Variants in LINGO2 observed in about 807,000 individuals in gnomAD.
LINGO2 encodes leucine-rich repeat and immunoglobulin-like domain-containing nogo receptor-interacting protein 2.
Under a neutral mutation model 30.6 loss-of-function variants are expected in LINGO2, and 14 were observed. The ratio of observed to expected loss-of-function variants is 0.46; its 90% CI spans 0.30 to 0.72. The LOEUF (loss-of-function observed/expected upper bound fraction) is 0.72, where lower values mean the gene tolerates loss of function less well. Ranked by LOEUF, LINGO2 falls within the 30% of genes least tolerant of loss-of-function variation. The pLI, the probability that LINGO2 is intolerant of heterozygous loss-of-function variation, is 0.07. For missense variants in LINGO2, 729 were observed against 751.7 expected, an observed-to-expected ratio of 0.97 and a Z score of 0.35; for synonymous variants, 317 against 288.5, an observed-to-expected ratio of 1.10 and a Z score of -1.00.
chr9:28,007,402 C>T (rs1400979900), intron 5 of LINGO2, among the ~76,000 whole-genome samples: 1 of 152,066 alleles, frequency 6.6e-6, no homozygotes, highest in African/African-American at 2.4e-5. Context: ...AGTCCAGTAC[C>T]AAGTAAAGGC....
the LINGO2 span, among the ~76,000 whole-genome samples, chr9:28,764,827 A>G: frequency 6.6e-6 from 1 of 151,974 alleles, no homozygotes; most frequent in South Asian, 2.1e-4. Flanking sequence ...ATCAACACAC[A>G]AAAATCAGTA....
At chr9:28,143,842 A>G (rs1827740811) in intron 4 of LINGO2, among the ~76,000 whole-genome samples, 1 of 152,142 alleles carries the variant, frequency 6.6e-6, no homozygotes, top group Admixed American at 6.5e-5. Context: ...GTCTCAAGAA[A>G]TATTTTAATC....
intron 4 of LINGO2, among the ~76,000 whole-genome samples, chr9:28,046,861 G>A (rs760159624): frequency 1.4e-4 from 21 of 152,070 alleles, no homozygotes; most frequent in Non-Finnish European, 1.8e-4. Context: ...ATAAACTGAC[G>A]TGTATCTATT....
intron 1 of LINGO2, among the ~76,000 whole-genome samples, chr9:28,557,211 C>G (rs1314883339): frequency 6.6e-6 from 1 of 151,886 alleles, no homozygotes; most frequent in African/African-American, 2.4e-5. Flanking sequence ...GAACAGGCAA[C>G]CTACAAAATG....
chr9:29,161,749 T>C, the LINGO2 span, among the ~76,000 whole-genome samples: 2 of 152,144 alleles, frequency 1.3e-5, no homozygotes, highest in Admixed American at 1.3e-4. Flanking sequence ...GAAAACTAGA[T>C]AACTCAAAGA....
At chr9:28,397,693 G>A in intron 2 of LINGO2, among the ~76,000 whole-genome samples, 1 of 151,660 alleles carries the variant, frequency 6.6e-6, no homozygotes, top group Non-Finnish European at 1.5e-5. Context: ...GACTACAGGT[G>A]CCCGCCACCA....
the LINGO2 span, among the ~76,000 whole-genome samples, chr9:28,896,781 T>C: frequency 6.6e-6 from 1 of 152,148 alleles, no homozygotes; most frequent in African/African-American, 2.4e-5. Flanking sequence ...ATGAGAATAA[T>C]ACATAATAAT....
At chr9:28,054,239 G>A (rs748540571) in intron 4 of LINGO2, among the ~76,000 whole-genome samples, 2 of 152,024 alleles carry the variant, frequency 1.3e-5, no homozygotes. Context: ...CCAAAGACCT[G>A]GGAGCCCTTC....
chr9:28,241,434 A>G (rs1821795445), intron 4 of LINGO2, among the ~76,000 whole-genome samples: 1 of 152,124 alleles, frequency 6.6e-6, no homozygotes, highest in Admixed American at 6.5e-5. Flanking sequence ...GGGTTCTGTC[A>G]TTAGGACTGA....
At chr9:27,979,121 T>C (rs1300534360) in intron 5 of LINGO2, among the ~76,000 whole-genome samples, 1 of 152,006 alleles carries the variant, frequency 6.6e-6, no homozygotes, top group Non-Finnish European at 1.5e-5. Flanking sequence ...ATGCTTTACA[T>C]TGTGAGCTGT....
chr9:28,309,525 A>G (rs1313572627), intron 3 of LINGO2, among the ~76,000 whole-genome samples: 1 of 152,036 alleles, frequency 6.6e-6, no homozygotes, highest in Non-Finnish European at 1.5e-5. Context: ...TGGCACATGT[A>G]TACATATATA....
At chr9:28,447,870 A>G (rs1358971429) in intron 2 of LINGO2, among the ~76,000 whole-genome samples, 1 of 152,174 alleles carries the variant, frequency 6.6e-6, no homozygotes, top group Non-Finnish European at 1.5e-5. Context: ...ATAAGAACAC[A>G]TATTGATTAC....
At chr9:28,839,360 C>A in the LINGO2 span, among the ~76,000 whole-genome samples, 3 of 152,018 alleles carry the variant, frequency 2.0e-5, no homozygotes, top group Non-Finnish European at 4.4e-5. Flanking sequence ...GACAGGAGAC[C>A]CGAAGTGGGA....
At chr9:28,879,838 C>T in the LINGO2 span, among the ~76,000 whole-genome samples, 4 of 133,536 alleles carry the variant, frequency 3.0e-5, no homozygotes, top group Admixed American at 7.3e-5. Context: ...TGGCAATTGA[C>T]TAGGAAAACA....
intron 3 of LINGO2, among the ~76,000 whole-genome samples, chr9:28,362,618 G>A (rs1007197749): frequency 2.0e-5 from 3 of 152,002 alleles, no homozygotes; most frequent in Non-Finnish European, 4.4e-5. Flanking sequence ...TTACAGGCAT[G>A]CATCACCGCA....
At chr9:28,103,428 C>T (rs1426211105) in intron 4 of LINGO2, among the ~76,000 whole-genome samples, 1 of 152,078 alleles carries the variant, frequency 6.6e-6, no homozygotes, top group African/African-American at 2.4e-5. Context: ...AACCGAGGCC[C>T]TAAGAAGCTT....
the LINGO2 span, among the ~76,000 whole-genome samples, chr9:28,677,713 A>G: frequency 1.3e-5 from 2 of 152,172 alleles, no homozygotes; most frequent in Admixed American, 6.6e-5. Flanking sequence ...TTTATGCTAC[A>G]GTCATTTAAT....
At chr9:28,575,599 G>C (rs2090872) in intron 1 of LINGO2, among the ~76,000 whole-genome samples, 1 of 151,466 alleles carries the variant, frequency 6.6e-6, no homozygotes, top group Non-Finnish European at 1.5e-5. Flanking sequence ...TACTATGCCC[G>C]CTACCTGGGT....
the LINGO2 span, among the ~76,000 whole-genome samples, chr9:29,037,138 G>C: frequency 6.6e-6 from 1 of 151,508 alleles, no homozygotes; most frequent in East Asian, 1.9e-4. Context: ...TTTTAATGTT[G>C]TTATCCTTAA....
Sources: allele counts gnomAD v4.1 joint callset (sites outside exome capture counted in the v4.1 genomes callset), GRCh38; gene constraint gnomAD v4.1.1; transcripts MANE v1.5; gene names NCBI Gene and HGNC (gene_info 2026-07-23, HGNC 2026-07-21).